CFAP61: variants seen among roughly 807,000 people sequenced by gnomAD.
CFAP61 encodes the protein cilia- and flagella-associated protein 61.
A neutral mutation model predicts 135.6 loss-of-function variants in CFAP61; 107 were observed. That is an observed-to-expected ratio of 0.79 (90% CI 0.67 to 0.93). The LOEUF (loss-of-function observed/expected upper bound fraction) is 0.93. Among genes scored for constraint, CFAP61 ranks in the 40% least tolerant of loss-of-function variants. The pLI is 0.00. For missense variants in CFAP61, 1,507 were observed against 1,556.2 expected, an observed-to-expected ratio of 0.97 and a Z score of 0.53; for synonymous variants, 575 against 578.5, an observed-to-expected ratio of 0.99 and a Z score of 0.09.
intron 1 of CFAP61, chr20:20,055,828 A>C: frequency 2.7e-6 from 2 of 727,520 alleles, no homozygotes; most frequent in Non-Finnish European, 4.7e-6. Context: ...TTTTGAGCTC[A>C]CTGGCTAGTA....
At chr20:20,079,702 C>A (rs2046302829) in intron 6 of CFAP61, among the ~76,000 whole-genome samples, 1 of 152,058 alleles carries the variant, frequency 6.6e-6, no homozygotes, top group Admixed American at 6.6e-5. Flanking sequence ...GAAGAAAATT[C>A]CTCATATAAA....
At chr20:20,353,167 CG>C (rs1380654350) in intron 26 of CFAP61, among the ~76,000 whole-genome samples, 2 of 152,144 alleles carry the variant, frequency 1.3e-5, no homozygotes, top group Admixed American at 6.5e-5. Context: ...AAGTCATTCC[CG>C]GGCCACTGTC....
Position 20,246,168 on chromosome 20 carries a change from AG to A in CFAP61, c.2114del (p.Gly705GlufsTer13). ...LTLISTHGLP[G>X]KKLLDTEQRK... ...CCCTGATTTCAACTCATGGACTCCC[AG>A]GAAAAAAACTTCTGGACACTGAACA... On this transcript the variant is annotated frameshift_variant, in exon 19 of 27. Transcript: ENST00000245957. LOFTEE classifies it high-confidence loss of function. 8 of 1,613,798 alleles carry A rather than the reference AG, an allele frequency of 5.0e-6. No homozygotes were observed. The highest frequency in any genetic ancestry group is 6.8e-6 in the Non-Finnish European group (8 of 1,179,686).
At chr20:20,294,379 A>T (rs1261502681) in intron 24 of CFAP61, among the ~76,000 whole-genome samples, 1 of 152,254 alleles carries the variant, frequency 6.6e-6, no homozygotes, top group Non-Finnish European at 1.5e-5. Context: ...ACATGAATAC[A>T]ACATATTTTG....
intron 18 of CFAP61, among the ~76,000 whole-genome samples, chr20:20,241,259 G>A (rs1017386760): frequency 6.6e-6 from 1 of 152,104 alleles, no homozygotes; most frequent in Non-Finnish European, 1.5e-5. Flanking sequence ...GTGCTCACCC[G>A]AGTATGAGGA....
At chr20:20,224,663 T>C (rs1240840062) in intron 17 of CFAP61, among the ~76,000 whole-genome samples, 1 of 152,136 alleles carries the variant, frequency 6.6e-6, no homozygotes, top group Non-Finnish European at 1.5e-5. Context: ...CACTCCAGCC[T>C]GGGCAACAAG....
intron 25 of CFAP61, among the ~76,000 whole-genome samples, chr20:20,314,377 G>T (rs1166525047): frequency 7.0e-6 from 1 of 143,228 alleles, no homozygotes; most frequent in Admixed American, 7.0e-5. Context: ...GGGTGACAGA[G>T]TGAGACCCCA....
At chr20:20,334,767 C>G (rs1341410599) in intron 25 of CFAP61, among the ~76,000 whole-genome samples, 1 of 152,188 alleles carries the variant, frequency 6.6e-6, no homozygotes, top group African/African-American at 2.4e-5. Context: ...CTTTCTAGAT[C>G]TGCCTCAAAG....
chr20:20,089,189 G>A (rs190175588), intron 6 of CFAP61, among the ~76,000 whole-genome samples: 2 of 152,300 alleles, frequency 1.3e-5, no homozygotes, highest in Admixed American at 1.3e-4. Context: ...AGAGTGTGAA[G>A]GCAGGGCTTA....
chr20:20,315,145 T>A (rs898026238), intron 25 of CFAP61, among the ~76,000 whole-genome samples: 1 of 151,464 alleles, frequency 6.6e-6, no homozygotes, highest in Non-Finnish European at 1.5e-5. Flanking sequence ...TAGTTTACAG[T>A]CCCACCAACA....
intron 9 of CFAP61, among the ~76,000 whole-genome samples, chr20:20,148,342 C>T (rs2052083773): frequency 6.6e-6 from 1 of 152,036 alleles, no homozygotes; most frequent in Admixed American, 6.6e-5. Flanking sequence ...TTGCTTTTGG[C>T]AGTATGGTCA....
At chr20:20,150,730 ACTC>A (rs1412547643) in intron 9 of CFAP61, among the ~76,000 whole-genome samples, 1 of 152,016 alleles carries the variant, frequency 6.6e-6, no homozygotes, top group African/African-American at 2.4e-5. Context: ...GTATCACAGG[ACTC>A]CTTGCAGACA....
chr20:20,289,652 CGAA>C (rs1333637459), intron 23 of CFAP61, among the ~76,000 whole-genome samples: 1 of 152,196 alleles, frequency 6.6e-6, no homozygotes, highest in African/African-American at 2.4e-5. Flanking sequence ...ATTACAGAGA[CGAA>C]AGCCCCACAT....
intron 18 of CFAP61, among the ~76,000 whole-genome samples, chr20:20,237,549 C>T (rs985524545): frequency 1.1e-4 from 16 of 152,186 alleles, no homozygotes; most frequent in African/African-American, 3.9e-4. Flanking sequence ...TCTCTCTCTT[C>T]GGTCTCCCCC....
At chr20:20,209,147 C>T (rs144054854) in intron 17 of CFAP61, among the ~76,000 whole-genome samples, 491 of 152,270 alleles carry the variant, frequency 3.2e-3, no homozygotes, top group Middle Eastern at 6.8e-3. Context: ...CATGCCGAGG[C>T]CACACAGCTG....
chr20:20,097,573 A>G (rs554785029), intron 7 of CFAP61, among the ~76,000 whole-genome samples: 34 of 152,366 alleles, frequency 2.2e-4, no homozygotes, highest in African/African-American at 3.6e-4. Flanking sequence ...TTTGGTACCA[A>G]TCAGGTACCT....
chr20:20,205,410 G>C (rs963629162), intron 17 of CFAP61, among the ~76,000 whole-genome samples: 3 of 152,150 alleles, frequency 2.0e-5, no homozygotes, highest in Non-Finnish European at 4.4e-5. Context: ...CCAGGCAGTT[G>C]GTTGCCAAAA....
At chr20:20,224,266 T>C (rs1206735083) in intron 17 of CFAP61, among the ~76,000 whole-genome samples, 1 of 152,100 alleles carries the variant, frequency 6.6e-6, no homozygotes, top group Non-Finnish European at 1.5e-5. Flanking sequence ...GGTTAAAACA[T>C]TAACATTTGC....
At chr20:20,081,858 T>A (rs1600506227) in intron 6 of CFAP61, among the ~76,000 whole-genome samples, 1 of 152,264 alleles carries the variant, frequency 6.6e-6, no homozygotes, top group East Asian at 1.9e-4. Flanking sequence ...CAGTGGGTAC[T>A]TTGCAGTGAG....
Sources: allele counts gnomAD v4.1 joint callset (sites outside exome capture counted in the v4.1 genomes callset), GRCh38; gene constraint gnomAD v4.1.1; transcripts MANE v1.5; gene names NCBI Gene and HGNC (gene_info 2026-07-23, HGNC 2026-07-21).